The following LRP1B variants were observed in gnomAD, a reference collection of about 807,000 sequenced individuals.
LRP1B encodes the protein LDL receptor related protein 1B, also known as low-density lipoprotein receptor-related protein 1B.
In LRP1B, 217 loss-of-function variants were observed where a neutral mutation model predicts 556.6. The observed-to-expected ratio is 0.39, with a 90% CI of 0.35 to 0.44. The LOEUF (loss-of-function observed/expected upper bound fraction) is 0.44. Ranked by LOEUF, LRP1B falls within the 20% of genes least tolerant of loss-of-function variation. LRP1B has a pLI of 1.00. For synonymous variants in LRP1B, 2,047 were observed against 1,865.8 expected (o/e 1.10, Z -2.50); for missense variants, 5,053 against 5,620.8 (o/e 0.90, Z 3.23).
intron 43 of LRP1B, among the ~76,000 whole-genome samples, chr2:140,581,941 TC>T (rs1317558040): frequency 6.6e-6 from 1 of 152,166 alleles, no homozygotes; most frequent in Admixed American, 6.5e-5. Flanking sequence ...TGATATTGTT[TC>T]CGTGTATCCC....
intron 7 of LRP1B, among the ~76,000 whole-genome samples, chr2:141,155,178 T>C (rs978838249): frequency 1.3e-5 from 2 of 151,864 alleles, no homozygotes; most frequent in Non-Finnish European, 2.9e-5. Context: ...ACAAAATTTT[T>C]CCCCCTAAGT....
Position 141,766,539 on chromosome 2 carries a change from A to C in LRP1B, c.205+43740T>G, listed in dbSNP as rs148730092. On this transcript the variant is annotated intron_variant, in intron 2 of 90. Coordinates refer to ENST00000389484, the MANE Select transcript of LRP1B (RefSeq NM_018557.3). ...AGCACTTTATTTAAAACTCATCTTC[A>C]TGGCAAAAATGATAGCAGTCTTTCA... Among the ~76,000 whole-genome samples the C allele has an allele frequency of 4.0e-4, 61 of 152,324 alleles. No individual in the cohort carries two copies. The East Asian group carries it at 0.012, about 29-fold the overall frequency.
chr2:140,646,586 C>A (rs1684493067), intron 41 of LRP1B, among the ~76,000 whole-genome samples: 1 of 152,014 alleles, frequency 6.6e-6, no homozygotes, highest in Admixed American at 6.6e-5. Flanking sequence ...AGGCTCAGTT[C>A]TTCTATAAAT....
chr2:141,413,603 T>A (rs772416403), intron 3 of LRP1B, among the ~76,000 whole-genome samples: 5 of 152,140 alleles, frequency 3.3e-5, no homozygotes, highest in Admixed American at 6.5e-5. Context: ...GGTATTTTGT[T>A]ATAGGCAATA....
At chr2:141,001,231 CA>C (rs1212169647) in intron 15 of LRP1B, among the ~76,000 whole-genome samples, 1 of 152,028 alleles carries the variant, frequency 6.6e-6, no homozygotes, top group Non-Finnish European at 1.5e-5. Flanking sequence ...TCACTTTTTG[CA>C]AGGCCAATAA....
At chr2:140,320,587 CA>C (rs1324010885) in intron 82 of LRP1B, among the ~76,000 whole-genome samples, 2 of 148,374 alleles carry the variant, frequency 1.3e-5, no homozygotes, top group Non-Finnish European at 1.5e-5. Context: ...TGGAGCGCTA[CA>C]TTTTTTTTTT....
chr2:141,896,118 C>T (rs768630079), intron 1 of LRP1B, among the ~76,000 whole-genome samples: 2 of 152,186 alleles, frequency 1.3e-5, no homozygotes, highest in South Asian at 2.1e-4. Context: ...TGCCTACTTA[C>T]GCCAAAATAT....
chr2:140,862,934 T>C (rs1278274623), intron 27 of LRP1B, among the ~76,000 whole-genome samples: 2 of 152,194 alleles, frequency 1.3e-5, no homozygotes, highest in Non-Finnish European at 2.9e-5. Flanking sequence ...CACTCCATAA[T>C]TGGCACTCCT....
chr2:141,245,603 A>G (rs983542869), intron 5 of LRP1B, among the ~76,000 whole-genome samples: 3 of 152,152 alleles, frequency 2.0e-5, no homozygotes, highest in African/African-American at 7.2e-5. Flanking sequence ...TCTGTATAGT[A>G]TTTCCTTATG....
At chr2:141,090,285 A>C (rs2104908357) in intron 7 of LRP1B, among the ~76,000 whole-genome samples, 1 of 152,348 alleles carries the variant, frequency 6.6e-6, no homozygotes, top group Non-Finnish European at 1.5e-5. Context: ...GATTACTATG[A>C]CTAAGTGGCT....
intron 66 of LRP1B, among the ~76,000 whole-genome samples, chr2:140,402,522 C>G (rs961398019): frequency 4.6e-5 from 7 of 152,166 alleles, no homozygotes; most frequent in African/African-American, 1.4e-4. Context: ...ACTCACAATT[C>G]CTCTCTACTT....
chr2:141,424,168 C>A (rs1573930070), intron 3 of LRP1B, among the ~76,000 whole-genome samples: 1 of 141,072 alleles, frequency 7.1e-6, no homozygotes. Flanking sequence ...GGCTGGAGGG[C>A]AAAGGCGCAA....
intron 3 of LRP1B, among the ~76,000 whole-genome samples, chr2:141,365,655 C>CTTTTTTTTTTTTTTTGGT (rs1334896367): frequency 0.01 from 1,214 of 121,098 alleles, 50 homozygotes; most frequent in Non-Finnish European, 0.014. Context: ...GTTTTTGTTG[C>CTTTTTTTTTTTTTTTGGT]TTTTTTTTTT....
intron 19 of LRP1B, 116 bp downstream of exon 19, chr2:140,951,744 C>A (rs531361074): frequency 9.7e-6 from 7 of 720,762 alleles, no homozygotes; most frequent in Non-Finnish European, 1.7e-5. Context: ...TTGTTTTAGC[C>A]GTTTTTCTTG....
intron 3 of LRP1B, among the ~76,000 whole-genome samples, chr2:141,259,318 CA>C (rs35750663): frequency 0.36 from 54,491 of 151,934 alleles, 9,811 homozygotes; most frequent in South Asian, 0.47. Flanking sequence ...TCAGTAATTT[CA>C]GGCTATATGA....
At chr2:141,927,228 G>C (rs371920112) in intron 1 of LRP1B, among the ~76,000 whole-genome samples, 80 of 152,098 alleles carry the variant, frequency 5.3e-4, no homozygotes, top group African/African-American at 1.9e-3. Flanking sequence ...ACATCAATTT[G>C]ACTGCTGAAT....
intron 26 of LRP1B, 95 bp downstream of exon 26, chr2:140,868,004 T>C (rs2105155252): frequency 2.9e-6 from 4 of 1,357,324 alleles, no homozygotes; most frequent in Admixed American, 2.5e-5. Flanking sequence ...TTTTAATATA[T>C]GTATACATGA....
intron 27 of LRP1B, among the ~76,000 whole-genome samples, chr2:140,859,885 C>T (rs1692737747): frequency 6.6e-6 from 1 of 152,172 alleles, no homozygotes; most frequent in East Asian, 1.9e-4. Flanking sequence ...GTCCCAGCTA[C>T]TCGGGAGGCT....
intron 47 of LRP1B, among the ~76,000 whole-genome samples, chr2:140,529,436 G>GT (rs371856495): frequency 2.6e-5 from 3 of 114,430 alleles, no homozygotes; most frequent in African/African-American, 1.1e-4. Flanking sequence ...CTGAAAAGGG[G>GT]GGGGGGAAGC....
Sources: allele counts gnomAD v4.1 joint callset (sites outside exome capture counted in the v4.1 genomes callset), GRCh38; gene constraint gnomAD v4.1.1; transcripts MANE v1.5; gene names NCBI Gene and HGNC (gene_info 2026-07-23, HGNC 2026-07-21).